Variants in PRKAR1A observed in about 807,000 individuals in gnomAD.
PRKAR1A encodes the protein protein kinase cAMP-dependent type I regulatory subunit alpha.
A neutral mutation model predicts 52.0 loss-of-function variants in PRKAR1A; 3 were observed. The observed-to-expected ratio is 0.06, with a 90% confidence interval of 0.03 to 0.15. PRKAR1A has a LOEUF of 0.15. Among genes scored for constraint, PRKAR1A ranks in the 10% least tolerant of loss-of-function variants. The pLI is 1.00. For missense variants in PRKAR1A, 240 were observed against 477.4 expected, an observed-to-expected ratio of 0.50 and a Z score of 4.63; for synonymous variants, 188 against 168.4, an observed-to-expected ratio of 1.12 and a Z score of -0.90.
chr17:68,523,757 T>C lies in PRKAR1A; in HGVS notation c.381T>C (p.Ala127=), dbSNP rs372669687. 1.1e-4 allele frequency: 175 copies of C among 1,613,730 alleles called. No individual in the cohort carries two copies. Among genetic ancestry groups the C allele is most frequent in the Non-Finnish European group, 1.4e-4 (169 of 1,179,956 alleles). ...CAAAAGATTACAAGACAATGGCCGC[T>C]TTAGCCAAAGCCATTGAAAAGAATG... The part of the protein sequence containing the change: ...VIPKDYKTMA[A]LAKAIEKNVL... Residue 127 remains alanine, a synonymous_variant, in exon 4 of 11, where the codon GCT becomes GCC. Transcript: ENST00000589228.
chr17:68,537,893 A>C (rs2086141454), downstream of PRKAR1A: 2 of 954,850 alleles, frequency 2.1e-6, no homozygotes, highest in Non-Finnish European at 3.2e-6. This position sits in a 1 kb window ranked among gnomAD's most constrained non-coding sequence, Gnocchi z 4.2. Context: ...CCAGGTAAAA[A>C]GGGAACAAAT....
At chr17:68,442,323 G>T in the PRKAR1A span, among the ~76,000 whole-genome samples, 1 of 151,990 alleles carries the variant, frequency 6.6e-6, no homozygotes, top group Admixed American at 6.6e-5. Context: ...AAATTAGCTG[G>T]GTGTGGTGGT....
chr17:68,493,977 C>T, the PRKAR1A span, among the ~76,000 whole-genome samples: 1,306 of 151,932 alleles, frequency 8.6e-3, 18 homozygotes, highest in African/African-American at 0.03. Context: ...GTGGCAACAT[C>T]GTCCATCAAA....
the PRKAR1A span, among the ~76,000 whole-genome samples, chr17:68,419,845 C>G: frequency 8.6e-5 from 13 of 151,328 alleles, no homozygotes; most frequent in Admixed American, 7.9e-4. Context: ...GTAGCCCCAT[C>G]TACTTGGGAG....
chr17:68,489,210 A>ATATATATATATATATATATGGAAAG, the PRKAR1A span, among the ~76,000 whole-genome samples: 10 of 47,128 alleles, frequency 2.1e-4, 1 homozygote, highest in East Asian at 1.2e-3. Flanking sequence ...ATATATATAT[A>ATATATATATATATATATATGGAAAG]TATATATATA....
chr17:68,500,205 C>T, the PRKAR1A span, among the ~76,000 whole-genome samples: 6 of 152,270 alleles, frequency 3.9e-5, no homozygotes, highest in South Asian at 1.2e-3. Context: ...TTGGCTGTGT[C>T]CCCACCCAAA....
chr17:68,537,449 A>AT, downstream of PRKAR1A: 1 of 1,613,758 alleles, frequency 6.2e-7, no homozygotes, highest in Non-Finnish European at 8.5e-7. This position sits in a 1 kb window ranked among gnomAD's most constrained non-coding sequence, Gnocchi z 4.2. Context: ...CTCCAGGCGT[A>AT]TTTTCTGAAA....
the PRKAR1A span, among the ~76,000 whole-genome samples, chr17:68,480,832 G>A: frequency 0.05 from 7,557 of 152,258 alleles, 278 homozygotes; most frequent in Middle Eastern, 0.088. Context: ...GCAAGCCACC[G>A]TGCCCAGCCA....
chr17:68,545,541 A>G (rs1401159474), intron 11 of PRKAR1A, among the ~76,000 whole-genome samples: 1 of 152,240 alleles, frequency 6.6e-6, no homozygotes, highest in African/African-American at 2.4e-5. Context: ...CTGAGCCTTC[A>G]GCAAGTCATA....
the PRKAR1A span, among the ~76,000 whole-genome samples, chr17:68,492,246 C>T: frequency 6.6e-6 from 1 of 152,120 alleles, no homozygotes; most frequent in African/African-American, 2.4e-5. Flanking sequence ...ACAGGCAGTG[C>T]GGGTTCTTGG....
rs1257543736 is a variant in PRKAR1A, at chr17:68,515,499, T to G, written c.100T>G (p.Ser34Ala). Residue 34 changes from serine (S) to alanine (A), a missense_variant, in exon 2 of 11, where the codon TCT becomes GCT. Ser to Ala is a moderately conservative substitution (Grantham distance 99, BLOSUM62 1). Around this residue, in one of 4 missense-constraint regions of PRKAR1A, gnomAD observed 107 missense variants for 114.6 expected, o/e 0.93. Coordinates refer to ENST00000589228, the MANE Select transcript of PRKAR1A (RefSeq NM_002734.5). ...KHNIQALLKD[S>A]IVQLCTARPE... Reference sequence around the variant, plus strand: ...TAACATTCAAGCGCTGCTCAAAGATTCTATTGTGCAGTTGTGCACTGCTCG... The same window carrying G: ...TAACATTCAAGCGCTGCTCAAAGATGCTATTGTGCAGTTGTGCACTGCTCG... The G allele has an allele frequency of 2.5e-6, 4 of 1,613,312 alleles. No homozygotes were observed.
the PRKAR1A span, chr17:68,436,472 A>G: frequency 4.3e-6 from 7 of 1,613,896 alleles, no homozygotes; most frequent in Non-Finnish European, 5.9e-6. Context: ...TAGAGAGAGC[A>G]CATAGACCTG....
rs547211384 is a variant in PRKAR1A at position 68,516,373 on chromosome 17, C to T, written c.177+797C>T. ...AATATTTTGAATAGTTTATGTGATT[C>T]GCTTCTGTAAATCAGTGAGAGAAAC... is the stretch of plus-strand genomic sequence containing the variant. On this transcript the variant is annotated intron_variant, in intron 2 of 10. Transcript: ENST00000589228. Among the ~76,000 whole-genome samples the T allele has an allele frequency of 1.5e-4, 23 of 152,090 alleles. No homozygotes were observed. The East Asian group carries it at 3.5e-3, about 23-fold the overall frequency.
downstream of PRKAR1A, chr17:68,537,678 A>C: frequency 6.2e-7 from 1 of 1,613,818 alleles, no homozygotes; most frequent in Non-Finnish European, 8.5e-7. This position sits in a 1 kb window ranked among gnomAD's most constrained non-coding sequence, Gnocchi z 4.2. Context: ...CTCGCATCAC[A>C]TCGCTGAGTC....
chr17:68,516,692 G>A (rs1289558287), intron 2 of PRKAR1A, among the ~76,000 whole-genome samples: 1 of 151,226 alleles, frequency 6.6e-6, no homozygotes, highest in African/African-American at 2.4e-5. Context: ...AAAACTGATT[G>A]TTAAAATTTG....
chr17:68,500,390 C>T, the PRKAR1A span, among the ~76,000 whole-genome samples: 1 of 152,190 alleles, frequency 6.6e-6, no homozygotes, highest in African/African-American at 2.4e-5. Context: ...CATTTTCTCT[C>T]TTGTCTGCCT....
the PRKAR1A span, among the ~76,000 whole-genome samples, chr17:68,453,798 T>C: frequency 6.6e-6 from 1 of 152,160 alleles, no homozygotes; most frequent in African/African-American, 2.4e-5. Context: ...AAAGTAGGCA[T>C]AGTAGGTCAT....
Position 68,533,391 on chromosome 17 carries a change from A to T in PRKAR1A, c.*2942A>T. On this transcript the variant is annotated 3_prime_UTR_variant, in exon 11 of 11. Coordinates refer to ENST00000589228, the MANE Select transcript of PRKAR1A (RefSeq NM_002734.5). The stretch of plus-strand genomic sequence containing the variant: ...ATCCCTTCCCCCCGTCCTCTGGAGT[A>T]TGAAACCTTTAGAGTCACAATAAAA... 1 of 1,061,168 alleles carries T rather than the reference A, an allele frequency of 9.4e-7. No individual in the cohort carries two copies. 65.7% of individuals were successfully genotyped at this position (1,061,168 alleles called of 1,614,324 possible).
Position 68,532,699 on chromosome 17 carries a change from CT to C in PRKAR1A, c.*2257del, listed in dbSNP as rs1321628071. ...TGATTATACCATGTGTGCTAATATA[CT>C]TTTTTTGTTATAGATTGTCTTAATG... On this transcript the variant is annotated 3_prime_UTR_variant, in exon 11 of 11. Coordinates refer to ENST00000589228, the MANE Select transcript of PRKAR1A (RefSeq NM_002734.5). 25 of 1,066,226 alleles carry C rather than the reference CT, an allele frequency of 2.3e-5. No individual in the cohort carries two copies. The highest frequency in any genetic ancestry group is 5.0e-5 in the East Asian group (1 of 20,102). The allele number at this position is 1,066,226 out of a possible 1,614,324, so 66.0% of individuals were successfully genotyped here. A position where few individuals can be genotyped will look rare whatever the true frequency, so the allele number is the denominator to read the frequency against.
Sources: gnomAD v4.1 joint callset for allele counts (sites outside exome capture counted in the v4.1 genomes callset) on GRCh38, gnomAD v4.1.1 for gene constraint, gnomAD v4.1.1 regional missense constraint, Gnocchi (gnomAD v3.1) non-coding constraint, MANE v1.5 for transcripts, NCBI Gene and HGNC (gene_info 2026-07-23, HGNC 2026-07-21) for gene names.